Variants in DCSTAMP observed in about 807,000 individuals in gnomAD.
DCSTAMP encodes dendrocyte expressed seven transmembrane protein, also known as dendritic cell-specific transmembrane protein.
Under a neutral mutation model 33.8 loss-of-function variants are expected in DCSTAMP, and 25 were observed. That is an observed-to-expected ratio of 0.74 (90% confidence interval 0.54 to 1.03). The LOEUF (loss-of-function observed/expected upper bound fraction) is 1.03, where lower values mean the gene tolerates loss of function less well. Among genes scored for constraint, DCSTAMP ranks in the 50% least tolerant of loss-of-function variants. The pLI, the probability that DCSTAMP is intolerant of heterozygous loss-of-function variation, is 0.00. For missense variants in DCSTAMP, 531 were observed against 556.8 expected (o/e 0.95, Z 0.47); for synonymous variants, 245 against 216.7 (o/e 1.13, Z -1.15).
intron 1 of DCSTAMP, among the ~76,000 whole-genome samples, 174 bp from the exon 2 acceptor site, chr8:104,348,367 C>T (rs1810370540): frequency 6.6e-6 from 1 of 152,086 alleles, no homozygotes; most frequent in Non-Finnish European, 1.5e-5. Context: ...TAGACCTCAA[C>T]TCTTGGTGGT....
chr8:104,348,536 T>C lies in DCSTAMP; in HGVS notation c.-12-5T>C, dbSNP rs1228062399. On this transcript the variant is annotated splice_region_variant and splice_polypyrimidine_tract_variant and intron_variant, in intron 1 of 3. Coordinates refer to ENST00000297581, the MANE Select transcript of DCSTAMP (RefSeq NM_030788.4). Reference sequence around the variant, plus strand: ...TTCTGACCTTGGTTTCTTTTTCATTTTCAGGACGCAGGGAGCATGGGTATC... The same window carrying C: ...TTCTGACCTTGGTTTCTTTTTCATTCTCAGGACGCAGGGAGCATGGGTATC... The C allele has an allele frequency of 1.8e-5, 29 of 1,592,538 alleles. No homozygotes were observed. The highest frequency in any genetic ancestry group is 1.7e-4 in the Middle Eastern group (1 of 5,944).
intron 1 of DCSTAMP, among the ~76,000 whole-genome samples, chr8:104,347,168 G>A (rs1313556790): frequency 6.6e-6 from 1 of 152,216 alleles, no homozygotes; most frequent in Non-Finnish European, 1.5e-5. Flanking sequence ...CTGATGGCGT[G>A]TTAGCAGCTC....
At position 104,356,301 on chromosome 8, in the gene DCSTAMP, T is replaced by C; in HGVS notation, c.*103T>C. ...GATAATAGAGAACTATGTGACGCAG[T>C]CCTCTCAGGAGTCTGAGTTTACAGA... On this transcript the variant is annotated 3_prime_UTR_variant, in exon 4 of 4. Transcript: ENST00000297581. 1 of 1,169,524 alleles carries C rather than the reference T, an allele frequency of 8.6e-7. No individual in the cohort carries two copies. The allele number at this position is 1,169,524 out of a possible 1,614,324, so 72.4% of individuals were successfully genotyped here. A position where few individuals can be genotyped will look rare whatever the true frequency, so the allele number is the denominator to read the frequency against.
At chr8:104,342,590 A>G (rs1008547226) in intron 1 of DCSTAMP, among the ~76,000 whole-genome samples, 2 of 152,158 alleles carry the variant, frequency 1.3e-5, no homozygotes, top group African/African-American at 4.8e-5. Context: ...ACTCCCAAGG[A>G]GTATCTCTAT....
At chr8:104,353,718 C>T (rs1429405357) in intron 2 of DCSTAMP, among the ~76,000 whole-genome samples, 2 of 152,226 alleles carry the variant, frequency 1.3e-5, no homozygotes, top group African/African-American at 4.8e-5. Flanking sequence ...TCTTCACAGG[C>T]ACTGGAATAG....
At chr8:104,355,526 G>T (rs1273607246) in intron 3 of DCSTAMP, among the ~76,000 whole-genome samples, 1 of 152,112 alleles carries the variant, frequency 6.6e-6, no homozygotes, top group Non-Finnish European at 1.5e-5. Flanking sequence ...AGAAAAAACA[G>T]ACAGGGAAAT....
chr8:104,346,736 C>T (rs1156432476), intron 1 of DCSTAMP, among the ~76,000 whole-genome samples: 2 of 152,224 alleles, frequency 1.3e-5, no homozygotes, highest in Admixed American at 1.3e-4. Flanking sequence ...ACTCTCTATT[C>T]CTGGTGGAGA....
intron 2 of DCSTAMP, among the ~76,000 whole-genome samples, chr8:104,350,818 G>C (rs1810440194): frequency 6.6e-6 from 1 of 152,204 alleles, no homozygotes; most frequent in African/African-American, 2.4e-5. Context: ...TCACTGCAGA[G>C]TTGAACTAAC....
At position 104,356,269 on chromosome 8, in the gene DCSTAMP, C is replaced by A; in HGVS notation, c.*71C>A. On this transcript the variant is annotated 3_prime_UTR_variant, in exon 4 of 4. Coordinates refer to ENST00000297581, the MANE Select transcript of DCSTAMP (RefSeq NM_030788.4). ...CAGGTCTAGGATGGCAGTCACTATT[C>A]ATGCCGGATAATAGAGAACTATGTG... The A allele has an allele frequency of 6.8e-7, 1 of 1,462,496 alleles. No individual in the cohort carries two copies. The allele number at this position is 1,462,496 out of a possible 1,614,324, so 90.6% of individuals were successfully genotyped here.
At chr8:104,347,340 G>C (rs1290676320) in intron 1 of DCSTAMP, among the ~76,000 whole-genome samples, 1 of 152,230 alleles carries the variant, frequency 6.6e-6, no homozygotes, top group Non-Finnish European at 1.5e-5. Flanking sequence ...TTACAGAGCA[G>C]AGACACAATG....
chr8:104,347,880 G>C (rs566098299), intron 1 of DCSTAMP, among the ~76,000 whole-genome samples: 1 of 152,320 alleles, frequency 6.6e-6, no homozygotes, highest in South Asian at 2.1e-4. Flanking sequence ...GATTATCCCA[G>C]ATTATCTGGG....
At chr8:104,345,463 G>T (rs1340799274) in intron 1 of DCSTAMP, among the ~76,000 whole-genome samples, 1 of 152,156 alleles carries the variant, frequency 6.6e-6, no homozygotes, top group Non-Finnish European at 1.5e-5. Context: ...GAAAGTTTTG[G>T]TGTCTGGTGA....
Position 104,355,194 on chromosome 8 carries a change from A to G in DCSTAMP, c.1338+9A>G. 1 of 1,601,612 alleles carries G rather than the reference A, an allele frequency of 6.2e-7. No homozygotes were observed. The highest frequency in any genetic ancestry group is 8.5e-7 in the Non-Finnish European group (1 of 1,174,950). ...GTCTCTATCTTACAAAGGTAAGGCC[A>G]AGATGGTGGTGTAACCTCCAATTGA... is the stretch of plus-strand genomic sequence containing the variant. On this transcript the variant is annotated intron_variant, in intron 3 of 3. Coordinates refer to ENST00000297581, the MANE Select transcript of DCSTAMP (RefSeq NM_030788.4).
chr8:104,351,988 C>A (rs1395957994), intron 2 of DCSTAMP, among the ~76,000 whole-genome samples: 1 of 152,132 alleles, frequency 6.6e-6, no homozygotes, highest in Admixed American at 6.5e-5. Context: ...GACACATAAT[C>A]ATTGTACATA....
chr8:104,350,332 C>T (rs1810426541), intron 2 of DCSTAMP, among the ~76,000 whole-genome samples: 1 of 152,164 alleles, frequency 6.6e-6, no homozygotes. Flanking sequence ...TAGGGTCTGC[C>T]TTCCTCTCAT....
Position 104,349,409 on chromosome 8 carries a change from C to T in DCSTAMP, c.857C>T (p.Thr286Ile), listed in dbSNP as rs771950096. 8 of 1,614,206 alleles carry T rather than the reference C, an allele frequency of 5.0e-6. No individual in the cohort carries two copies. The highest frequency in any genetic ancestry group is 1.6e-4 in the Middle Eastern group (1 of 6,062). Reference sequence around the variant, plus strand: ...GTCATCATCCCGACTTTCTGGCCGACTCCTAAAGAAAGGAAAAACCTGGGG... The same window carrying T: ...GTCATCATCCCGACTTTCTGGCCGATTCCTAAAGAAAGGAAAAACCTGGGG... ...KYVIIPTFWP[T>I]PKERKNLGLF... Residue 286 changes from threonine (T) to isoleucine (I), a missense_variant, in exon 2 of 4, where the codon ACT (threonine) becomes ATT (isoleucine). By Grantham distance (89) the Thr-to-Ile change is moderately conservative. Coordinates refer to ENST00000297581, the MANE Select transcript of DCSTAMP (RefSeq NM_030788.4).
At chr8:104,341,270 A>ATTATTATT (rs1436714894) in intron 1 of DCSTAMP, among the ~76,000 whole-genome samples, 1 of 152,232 alleles carries the variant, frequency 6.6e-6, no homozygotes, top group Non-Finnish European at 1.5e-5. Flanking sequence ...GGAGATTCTC[A>ATTATTATT]TTATTATTTC....
At chr8:104,345,793 G>A (rs1182004962) in intron 1 of DCSTAMP, among the ~76,000 whole-genome samples, 1 of 152,188 alleles carries the variant, frequency 6.6e-6, no homozygotes, top group African/African-American at 2.4e-5. Flanking sequence ...AAACAGCTGG[G>A]ATTTCTGATT....
At chr8:104,353,681 G>A (rs1042113587) in intron 2 of DCSTAMP, among the ~76,000 whole-genome samples, 2 of 152,224 alleles carry the variant, frequency 1.3e-5, no homozygotes, top group African/African-American at 4.8e-5. Context: ...CATTTGTGTA[G>A]AGGTCCCAGG....
Sources: gnomAD v4.1 joint callset for allele counts (sites outside exome capture counted in the v4.1 genomes callset) on GRCh38, gnomAD v4.1.1 for gene constraint, MANE v1.5 for transcripts, NCBI Gene and HGNC (gene_info 2026-07-23, HGNC 2026-07-21) for gene names.